LHX8: variants seen among roughly 807,000 people sequenced by gnomAD.
The protein encoded by LHX8 is LIM homeobox 8, also known as LIM/homeobox protein Lhx8.
A neutral mutation model predicts 40.3 loss-of-function variants in LHX8; 12 were observed. That is an observed-to-expected ratio of 0.30 (90% confidence interval 0.19 to 0.48). The LOEUF (loss-of-function observed/expected upper bound fraction) is 0.48, where lower values mean the gene tolerates loss of function less well. Among genes scored for constraint, LHX8 ranks in the 20% least tolerant of loss-of-function variants. The pLI, the probability that LHX8 is intolerant of heterozygous loss-of-function variation, is 0.99. For missense variants in LHX8, 344 were observed against 433.7 expected (o/e 0.79, Z 1.84); for synonymous variants, 179 against 162.0 (o/e 1.10, Z -0.80).
rs1268571350 is a variant in LHX8, at chr1:75,136,398, G to A, written c.-12-205G>A. On this transcript the variant is annotated intron_variant, in intron 1 of 8. Coordinates refer to ENST00000356261, the MANE Select transcript of LHX8 (RefSeq NM_001256114.2). ...AGCGCGGGACGAGCTACCAGCGCTC[G>A]GGTGGCGGCCGCCAGCGGCCAGCGA... Among the ~76,000 whole-genome samples, 4 of 151,830 alleles carry A rather than the reference G, an allele frequency of 2.6e-5. No homozygotes were observed. The East Asian group carries it at 7.8e-4, about 30-fold the overall frequency.
chr1:75,184,269 T>A, the LHX8 span, among the ~76,000 whole-genome samples: 1 of 152,252 alleles, frequency 6.6e-6, no homozygotes, highest in Non-Finnish European at 1.5e-5. Flanking sequence ...ACCAAATGGA[T>A]CTGATAGATC....
At chr1:75,185,543 C>T in the LHX8 span, among the ~76,000 whole-genome samples, 1 of 151,232 alleles carries the variant, frequency 6.6e-6, no homozygotes, top group East Asian at 1.9e-4. Context: ...GGGAACATAC[C>T]TCAAAATAAT....
At chr1:75,133,258 A>T (rs1339215052), upstream of LHX8, among the ~76,000 whole-genome samples, 2 of 152,194 alleles carry the variant, frequency 1.3e-5, no homozygotes, top group Non-Finnish European at 2.9e-5. Context: ...GCAATGGAGG[A>T]AAAACTAAAT....
At chr1:75,159,218 A>G (rs1458310623) in intron 8 of LHX8, 1 of 152,168 alleles carries the variant, frequency 6.6e-6, no homozygotes, top group Non-Finnish European at 1.5e-5. Context: ...TGGATAGCTA[A>G]TTAACCTGGC....
chr1:75,147,054 A>ATT (rs1440338974), intron 6 of LHX8, among the ~76,000 whole-genome samples: 1 of 152,176 alleles, frequency 6.6e-6, no homozygotes, highest in East Asian at 1.9e-4. Context: ...ACATAACTCT[A>ATT]TTTTCACAGG....
At chr1:75,130,059 A>T (rs1055375158), upstream of LHX8, 2 of 154,794 alleles carry the variant, frequency 1.3e-5, no homozygotes, top group African/African-American at 4.8e-5. Flanking sequence ...CCTCCAAACC[A>T]CAGGCGTGCT....
At chr1:75,136,767 G>A in intron 2 of LHX8, 78 bp downstream of exon 2, 1 of 1,210,160 alleles carries the variant, frequency 8.3e-7, no homozygotes, top group Non-Finnish European at 1.2e-6. Flanking sequence ...CTGTCCCCGC[G>A]CTCCTTCCAG....
rs545463967 is a variant in LHX8 at position 75,143,672 on chromosome 1, T to C, written c.581-173T>C. ...TTCACTAAATATACAAGTCTGTAAGTGGAATATTTTTTGTACAGTATATCT... is the reference window on the plus strand; with the variant it reads ...TTCACTAAATATACAAGTCTGTAAGCGGAATATTTTTTGTACAGTATATCT... On this transcript the variant is annotated intron_variant, in intron 5 of 8. Coordinates refer to ENST00000356261, the MANE Select transcript of LHX8 (RefSeq NM_001256114.2). Among the ~76,000 whole-genome samples the C allele has an allele frequency of 3.3e-5, 5 of 152,298 alleles. No homozygotes were observed. The South Asian group carries it at 8.3e-4, about 25-fold the overall frequency.
At chr1:75,153,327 G>A (rs1308073371) in intron 7 of LHX8, among the ~76,000 whole-genome samples, 1 of 151,786 alleles carries the variant, frequency 6.6e-6, no homozygotes, top group Non-Finnish European at 1.5e-5. Flanking sequence ...GGCTGGTCTC[G>A]ACTCCTGACC....
chr1:75,174,336 C>T, the LHX8 span, among the ~76,000 whole-genome samples: 2 of 152,144 alleles, frequency 1.3e-5, no homozygotes, highest in Non-Finnish European at 2.9e-5. Context: ...CTGTTCCTGC[C>T]AGCTGGAAGC....
the LHX8 span, among the ~76,000 whole-genome samples, chr1:75,177,073 A>G: frequency 4.6e-5 from 7 of 151,996 alleles, no homozygotes; most frequent in African/African-American, 1.4e-4. Flanking sequence ...TTTGATCACT[A>G]TAGCCTTGTA....
chr1:75,135,585 G>C (rs1322578150), intron 1 of LHX8, among the ~76,000 whole-genome samples: 1 of 152,236 alleles, frequency 6.6e-6, no homozygotes, highest in Non-Finnish European at 1.5e-5. Flanking sequence ...CAGAAATGCA[G>C]AAGTGCGAGC....
At position 75,160,969 on chromosome 1, in the gene LHX8, A is replaced by G; in HGVS notation, c.*74A>G. 1 of 1,124,070 alleles carries G rather than the reference A, an allele frequency of 8.9e-7. No homozygotes were observed. The highest frequency in any genetic ancestry group is 1.4e-6 in the Non-Finnish European group (1 of 739,328). 69.6% of individuals were successfully genotyped at this position (1,124,070 alleles called of 1,614,324 possible). A position where few individuals can be genotyped will look rare whatever the true frequency, so the allele number is the denominator to read the frequency against. ...TTATGTATAAAATACCATTGAAAAG[A>G]TATTACTGTTAATTTTTTATTTAAC... is the stretch of plus-strand genomic sequence containing the variant. On this transcript the variant is annotated 3_prime_UTR_variant, in exon 9 of 9. Transcript: ENST00000356261.
chr1:75,135,095 G>GGC (rs1648082311), intron 1 of LHX8, 141 bp downstream of exon 1: 1 of 192,980 alleles, frequency 5.2e-6, no homozygotes, highest in Non-Finnish European at 9.5e-6. Flanking sequence ...CCTGCCCTGA[G>GGC]GCACACCTCC....
chr1:75,184,297 C>T, the LHX8 span, among the ~76,000 whole-genome samples: 1 of 152,184 alleles, frequency 6.6e-6, no homozygotes, highest in Admixed American at 6.5e-5. Context: ...AATTCTCCAT[C>T]CCAAAACAAC....
At chr1:75,148,462 C>T (rs772225473) in intron 6 of LHX8, 125 bp from the exon 7 acceptor site, 7 of 723,394 alleles carry the variant, frequency 9.7e-6, no homozygotes, top group African/African-American at 3.5e-5. Flanking sequence ...TTCCCCATAC[C>T]GATTTTCAAG....
At position 75,157,002 on chromosome 1, in the gene LHX8, T is replaced by C. The variant is rs1432645495; in HGVS notation, c.890T>C (p.Leu297Ser). ...CCCTCCAGGCTGTCTCCACCCATGT[T>C]AGAAGAAATGGCTTATTCTGCCTAC... ...VPPSRLSPPM[L>S]EEMAYSAYVP... The change falls in exon 8 of 9, where the codon TTA (leucine) becomes TCA (serine). Residue 297 changes from leucine (L) to serine (S), a missense_variant. This residue lies in a region of LHX8 where 89 missense variants were observed against 92.8 expected (regional missense o/e 0.96). Coordinates refer to ENST00000356261, the MANE Select transcript of LHX8 (RefSeq NM_001256114.2). The C allele has an allele frequency of 6.2e-7, 1 of 1,614,164 alleles. No individual in the cohort carries two copies.
At chr1:75,136,087 C>A (rs899249461) in intron 1 of LHX8, among the ~76,000 whole-genome samples, 3 of 152,176 alleles carry the variant, frequency 2.0e-5, no homozygotes, top group African/African-American at 7.2e-5. Flanking sequence ...CTATCCTATT[C>A]AAAAAGCCCC....
At chr1:75,145,793 AT>A (rs1475484952) in intron 6 of LHX8, among the ~76,000 whole-genome samples, 1 of 152,190 alleles carries the variant, frequency 6.6e-6, no homozygotes, top group East Asian at 1.9e-4. Flanking sequence ...AGATAGCCTT[AT>A]GGTTAAACAT....
Sources: allele counts gnomAD v4.1 joint callset (sites outside exome capture counted in the v4.1 genomes callset), GRCh38; gene constraint gnomAD v4.1.1; regional missense constraint gnomAD v4.1.1; transcripts MANE v1.5; gene names NCBI Gene and HGNC (gene_info 2026-07-23, HGNC 2026-07-21).